CDH23: variants seen among roughly 807,000 people sequenced by gnomAD.
CDH23 encodes the protein cadherin-23.
CDH23 carries 189 observed loss-of-function variants against 317.1 expected under a neutral mutation model. The observed-to-expected ratio is 0.60, with a 90% confidence interval of 0.53 to 0.67. CDH23 has a LOEUF of 0.67. Among genes scored for constraint, CDH23 ranks in the 30% least tolerant of loss-of-function variants. The pLI, the probability that CDH23 is intolerant of heterozygous loss-of-function variation, is 0.00. For missense variants in CDH23, 4,401 were observed against 4,592.4 expected, an observed-to-expected ratio of 0.96 and a Z score of 1.20; for synonymous variants, 1,839 against 1,876.8, an observed-to-expected ratio of 0.98 and a Z score of 0.52.
At position 71,778,381 on chromosome 10, in the gene CDH23, C is replaced by T. The variant is rs10823843; in HGVS notation, c.5187+73C>T. On this transcript the variant is annotated intron_variant, in intron 40 of 69. Coordinates refer to ENST00000224721, the MANE Select transcript of CDH23 (RefSeq NM_022124.6). ...GGATGGGACCCAGAAAGCTCCGATG[C>T]GGGAAGGGGTTAGGGGAAGATTGTC... 0.097 allele frequency: 153,602 copies of T among 1,579,956 alleles called. 9,751 individuals carry two copies. Among genetic ancestry groups the T allele is most frequent in the East Asian group, 0.29 (12,893 of 43,870 alleles).
chr10:71,409,957 C>T (rs1848276350), intron 1 of CDH23, among the ~76,000 whole-genome samples: 1 of 152,162 alleles, frequency 6.6e-6, no homozygotes, highest in Admixed American at 6.5e-5. Context: ...GAGCAGCAGG[C>T]CTTACCTCTG....
rs1478330639 is a variant in CDH23 at position 71,662,362 on chromosome 10, T to C, written c.1450-12750T>C. Among the ~76,000 whole-genome samples the C allele has an allele frequency of 2.6e-5, 4 of 152,044 alleles. No homozygotes were observed. In the East Asian group the frequency reaches 7.7e-4, roughly 29 times the overall value. Reference sequence around the variant, plus strand: ...GGAGTGAGGACATGTCCCTGGAGCATAGGCAGTGACCAGCCTCCACCCAGG... The same window carrying C: ...GGAGTGAGGACATGTCCCTGGAGCACAGGCAGTGACCAGCCTCCACCCAGG... On this transcript the variant is annotated intron_variant, in intron 14 of 69. Coordinates refer to ENST00000224721, the MANE Select transcript of CDH23 (RefSeq NM_022124.6).
intron 3 of CDH23, among the ~76,000 whole-genome samples, chr10:71,500,789 C>G (rs1564618341): frequency 6.9e-6 from 1 of 145,406 alleles, no homozygotes; most frequent in African/African-American, 2.7e-5. Flanking sequence ...CTTTTCTTTT[C>G]TTTTCTTTTC....
chr10:71,594,612 G>A (rs1471300522), intron 9 of CDH23, among the ~76,000 whole-genome samples: 1 of 152,166 alleles, frequency 6.6e-6, no homozygotes, highest in Non-Finnish European at 1.5e-5. Context: ...CCGACCTCAG[G>A]TCTCTGCCCG....
intron 1 of CDH23, among the ~76,000 whole-genome samples, 151 bp from the exon 2 acceptor site, chr10:71,439,676 T>C (rs1849781169): frequency 6.6e-6 from 1 of 152,208 alleles, no homozygotes; most frequent in African/African-American, 2.4e-5. Context: ...CTTTCTCCCA[T>C]GTGCTCCTAA....
chr10:71,760,687 G>C, intron 38 of CDH23: 1 of 623,384 alleles, frequency 1.6e-6, no homozygotes, highest in Non-Finnish European at 2.9e-6. Flanking sequence ...GAAGGAGAGT[G>C]GGCTTCTGGG....
intron 26 of CDH23, chr10:71,707,602 A>G (rs1255767476): frequency 2.4e-5 from 22 of 900,946 alleles, no homozygotes; most frequent in Admixed American, 1.1e-4. Context: ...TGGATTAGTG[A>G]TGTCTGCCAC....
Position 71,682,485 on chromosome 10 carries a change from C to A in CDH23, c.1899C>A (p.Ser633=). ...GCCCCCTGGATTATGAACAGATATC[C>A]AATGGGCTGATTTATCTGACGGTCA... is the stretch of plus-strand genomic sequence containing the variant. The part of the protein sequence containing the change: ...VSRPLDYEQI[S]NGLIYLTVMA... Residue 633 remains serine, a synonymous_variant, in exon 18 of 70, where the codon TCC becomes TCA. Coordinates refer to ENST00000224721, the MANE Select transcript of CDH23 (RefSeq NM_022124.6). 5.0e-6 allele frequency: 8 copies of A among 1,612,928 alleles called. No individual in the cohort carries two copies. Among genetic ancestry groups the A allele is most frequent in the Non-Finnish European group, 6.8e-6 (8 of 1,179,478 alleles).
rs1414832827 is a variant in CDH23, at chr10:71,510,896, G to A, written c.289-58G>A. 2.8e-5 allele frequency: 44 copies of A among 1,582,698 alleles called. No individual in the cohort carries two copies. The East Asian group carries it at 7.4e-4, about 27-fold the overall frequency. Reference sequence around the variant, plus strand: ...CCCCTCCCGCCCCATTTAGGGCCCAGGACCCAGGACCTCAGCACCGCCTAA... The same window carrying A: ...CCCCTCCCGCCCCATTTAGGGCCCAAGACCCAGGACCTCAGCACCGCCTAA... On this transcript the variant is annotated intron_variant, in intron 4 of 69. Transcript: ENST00000224721.
At chr10:71,800,946 GGACC>G (rs2132972420) in intron 53 of CDH23, among the ~76,000 whole-genome samples, 191 bp downstream of exon 53, 1 of 152,202 alleles carries the variant, frequency 6.6e-6, no homozygotes, top group East Asian at 1.9e-4. Flanking sequence ...AGGAAGACAG[GGACC>G]CTCTGGGAGA....
intron 9 of CDH23, among the ~76,000 whole-genome samples, chr10:71,613,830 C>CT (rs1013605564): frequency 6.6e-6 from 1 of 152,184 alleles, no homozygotes; most frequent in African/African-American, 2.4e-5. Context: ...TATTAATTCT[C>CT]TAACGTGGAA....
At chr10:71,558,510 G>A (rs918881886) in intron 6 of CDH23, among the ~76,000 whole-genome samples, 2 of 152,086 alleles carry the variant, frequency 1.3e-5, no homozygotes, top group African/African-American at 4.8e-5. Flanking sequence ...CAAAGATGTT[G>A]TGTCTTGTCT....
intron 7 of CDH23, among the ~76,000 whole-genome samples, chr10:71,569,187 G>A (rs540380561): frequency 3.3e-5 from 5 of 152,300 alleles, no homozygotes; most frequent in African/African-American, 9.6e-5. Flanking sequence ...CTCACCTCCT[G>A]CTTCCAGACC....
chr10:71,803,099 C>T, intron 54 of CDH23, 24 bp downstream of exon 54: 1 of 1,579,068 alleles, frequency 6.3e-7, no homozygotes, highest in South Asian at 1.1e-5. Flanking sequence ...CTTGGACACC[C>T]ATGATGTCTT....
intron 37 of CDH23, 94 bp downstream of exon 37, chr10:71,741,044 C>G: frequency 7.1e-7 from 1 of 1,415,680 alleles, no homozygotes. Context: ...TCTGCCTGGC[C>G]CACTGGTCCC....
At chr10:71,719,646 C>G (rs944157673) in intron 28 of CDH23, 2 of 152,752 alleles carry the variant, frequency 1.3e-5, no homozygotes, top group African/African-American at 4.8e-5. Context: ...AGACCCCAGC[C>G]GTCCGGAGCT....
chr10:71,794,767 T>C (rs769017533), intron 48 of CDH23: 4 of 152,220 alleles, frequency 2.6e-5, no homozygotes, highest in African/African-American at 7.2e-5. Flanking sequence ...TGGATAGCAA[T>C]CCAGCATAAG....
intron 8 of CDH23, among the ~76,000 whole-genome samples, chr10:71,576,570 C>T (rs1488336107): frequency 6.6e-6 from 1 of 152,100 alleles, no homozygotes; most frequent in Non-Finnish European, 1.5e-5. Context: ...TGGCCGAGGA[C>T]ACAAGAGCCC....
At chr10:71,712,449 G>A (rs1432043359) in intron 27 of CDH23, 2 of 553,864 alleles carry the variant, frequency 3.6e-6, no homozygotes, top group African/African-American at 3.8e-5. Context: ...AGGACTGAAT[G>A]GGTTAGAAGA....
Sources: allele counts gnomAD v4.1 joint callset (sites outside exome capture counted in the v4.1 genomes callset), GRCh38; gene constraint gnomAD v4.1.1; transcripts MANE v1.5; gene names NCBI Gene and HGNC (gene_info 2026-07-23, HGNC 2026-07-21).